The following SDK1 variants were observed in gnomAD, a reference collection of about 807,000 sequenced individuals.
SDK1 encodes protein sidekick-1.
Under a neutral mutation model 245.5 loss-of-function variants are expected in SDK1, and 157 were observed. The ratio of observed to expected loss-of-function variants is 0.64; its 90% CI spans 0.56 to 0.73. SDK1 has a LOEUF of 0.73. Ranked by LOEUF, SDK1 falls within the 30% of genes least tolerant of loss-of-function variation. The probability of loss-of-function intolerance (pLI) is 0.00; values close to 1 mark genes in which losing one functional copy is unlikely to be tolerated. For synonymous variants in SDK1, 1,647 were observed against 1,278.5 expected (o/e 1.29, Z -6.15); for missense variants, 3,583 against 3,002.3 (o/e 1.19, Z -4.52).
At chr7:3,700,182 C>T (rs1261880277) in intron 4 of SDK1, among the ~76,000 whole-genome samples, 1 of 152,116 alleles carries the variant, frequency 6.6e-6, no homozygotes, top group African/African-American at 2.4e-5. Context: ...TCTATAATAC[C>T]TACCCTTAAA....
intron 4 of SDK1, among the ~76,000 whole-genome samples, chr7:3,712,565 G>C (rs1785078963): frequency 6.6e-6 from 1 of 152,134 alleles, no homozygotes; most frequent in South Asian, 2.1e-4. Context: ...TCATGAAACT[G>C]GTCCCTGGTG....
rs41893 is a variant in SDK1, at chr7:3,789,725, A to T, written c.714-31725A>T. Among the ~76,000 whole-genome samples the T allele has an allele frequency of 3.5e-3, 530 of 152,312 alleles. 3 individuals are homozygous for T. Among genetic ancestry groups the T allele is most frequent in the South Asian group, 0.016 (78 of 4,828 alleles). Reference sequence around the variant, plus strand: ...AAGACAAGAAGATCAAGTGTGAGGTACGAGGGAAAAGGGATTGGAGAGGAG... The same window carrying T: ...AAGACAAGAAGATCAAGTGTGAGGTTCGAGGGAAAAGGGATTGGAGAGGAG... On this transcript the variant is annotated intron_variant, in intron 4 of 44. Transcript: ENST00000404826.
chr7:3,591,718 C>T (rs140577159), intron 1 of SDK1, among the ~76,000 whole-genome samples: 13 of 152,154 alleles, frequency 8.5e-5, no homozygotes, highest in Admixed American at 6.5e-4. Flanking sequence ...TCTTTGCACT[C>T]GTGTGGGGCA....
At chr7:3,567,042 T>G (rs184353561) in intron 1 of SDK1, among the ~76,000 whole-genome samples, 1 of 152,278 alleles carries the variant, frequency 6.6e-6, no homozygotes, top group Non-Finnish European at 1.5e-5. Context: ...CCACATTTAT[T>G]TTCCCGGGTA....
At chr7:4,209,914 T>C in intron 37 of SDK1, 111 bp from the exon 38 acceptor site, 1 of 1,045,892 alleles carries the variant, frequency 9.6e-7, no homozygotes, top group Non-Finnish European at 1.3e-6. Context: ...TTTTACTGAG[T>C]TGAAAATAAC....
At chr7:4,113,614 C>G (rs988155187) in intron 24 of SDK1, among the ~76,000 whole-genome samples, 175 bp downstream of exon 24, 6 of 152,120 alleles carry the variant, frequency 3.9e-5, no homozygotes, top group African/African-American at 1.4e-4. Context: ...TCAGGCCAGC[C>G]CAGGAGATCT....
chr7:3,558,544 C>T (rs991824261), intron 1 of SDK1, among the ~76,000 whole-genome samples: 4 of 152,200 alleles, frequency 2.6e-5, no homozygotes, highest in Admixed American at 2.6e-4. Context: ...CAGTGATTGG[C>T]CTGGTACAGG....
At chr7:3,838,653 G>GC (rs953569226) in intron 5 of SDK1, among the ~76,000 whole-genome samples, 14 of 152,168 alleles carry the variant, frequency 9.2e-5, no homozygotes, top group East Asian at 3.9e-4. Context: ...GGTGTTGCCA[G>GC]CCCCCGTCCC....
intron 19 of SDK1, among the ~76,000 whole-genome samples, chr7:4,063,605 A>AAAAAAAAAAAAAAAAAAAAAAAAAAC (rs1316706124): frequency 5.3e-5 from 8 of 151,364 alleles, no homozygotes; most frequent in African/African-American, 2.0e-4. Context: ...AGCAAAAAAA[A>AAAAAAAAAAAAAAAAAAAAAAAAAAC]AAAACAAAAA....
chr7:3,919,734 C>T (rs187951547), intron 5 of SDK1, among the ~76,000 whole-genome samples: 1 of 152,304 alleles, frequency 6.6e-6, no homozygotes, highest in African/African-American at 2.4e-5. Context: ...CTTGAAAGAA[C>T]GTATGGTTTT....
intron 1 of SDK1, among the ~76,000 whole-genome samples, chr7:3,468,392 CCTGT>C (rs1781076746): frequency 6.6e-6 from 1 of 152,088 alleles, no homozygotes; most frequent in Admixed American, 6.5e-5. Context: ...CTCCTGCCCT[CCTGT>C]CTCAGTCGCA....
chr7:3,633,023 G>A (rs200959315), intron 2 of SDK1, among the ~76,000 whole-genome samples: 24 of 152,198 alleles, frequency 1.6e-4, no homozygotes, highest in African/African-American at 5.5e-4. Flanking sequence ...GAGAATTGAT[G>A]TATTTCCAAG....
intron 5 of SDK1, among the ~76,000 whole-genome samples, chr7:3,843,181 G>T (rs1263037087): frequency 6.6e-6 from 1 of 152,150 alleles, no homozygotes; most frequent in Non-Finnish European, 1.5e-5. Context: ...CCAATCTTAA[G>T]CTGTAGCATG....
chr7:3,695,832 T>C (rs1179073400), intron 4 of SDK1, among the ~76,000 whole-genome samples: 1 of 152,174 alleles, frequency 6.6e-6, no homozygotes. Flanking sequence ...AGACCAGCAG[T>C]GTAATCACCT....
chr7:4,268,532 C>T lies in SDK1; in HGVS notation c.*3148C>T, dbSNP rs572820239. 47 of 1,250,984 alleles carry T rather than the reference C, an allele frequency of 3.8e-5. 2 individuals carry two copies. Among genetic ancestry groups the T allele is most frequent in the Middle Eastern group, 2.5e-4 (1 of 3,942 alleles). 77.5% of individuals were successfully genotyped at this position (1,250,984 alleles called of 1,614,324 possible). A position where few individuals can be genotyped will look rare whatever the true frequency, so the allele number is the denominator to read the frequency against. ...GGGACCCAGATGGCCACACACGGAA[C>T]GCGCCTCCACAGCCCCGGGAGGTGG... On this transcript the variant is annotated 3_prime_UTR_variant, in exon 45 of 45. Transcript: ENST00000404826.
chr7:3,477,156 C>A (rs936766918), intron 1 of SDK1, among the ~76,000 whole-genome samples: 6 of 149,828 alleles, frequency 4.0e-5, no homozygotes, highest in Non-Finnish European at 1.5e-5. Flanking sequence ...CTTGAAATAT[C>A]CTAACACTTC....
At chr7:3,494,203 T>C (rs949905805) in intron 1 of SDK1, among the ~76,000 whole-genome samples, 2 of 152,196 alleles carry the variant, frequency 1.3e-5, no homozygotes, top group African/African-American at 4.8e-5. Flanking sequence ...AGGAAAACTT[T>C]TAGGAGCTTT....
intron 5 of SDK1, among the ~76,000 whole-genome samples, chr7:3,878,079 A>T (rs1360515985): frequency 6.6e-6 from 1 of 152,256 alleles, no homozygotes; most frequent in African/African-American, 2.4e-5. Flanking sequence ...AGCATATGTA[A>T]TGTCCCTGTC....
intron 5 of SDK1, among the ~76,000 whole-genome samples, chr7:3,825,355 G>A (rs1779746184): frequency 6.9e-6 from 1 of 144,902 alleles, no homozygotes; most frequent in Non-Finnish European, 1.5e-5. Flanking sequence ...CAGGCGATGA[G>A]ACGAATTCTA....
Sources: allele counts gnomAD v4.1 joint callset (sites outside exome capture counted in the v4.1 genomes callset), GRCh38; gene constraint gnomAD v4.1.1; transcripts MANE v1.5; gene names NCBI Gene and HGNC (gene_info 2026-07-23, HGNC 2026-07-21).